Variants in SBF2 observed in about 807,000 individuals in gnomAD.
SBF2 encodes SET binding factor 2.
A neutral mutation model predicts 225.2 loss-of-function variants in SBF2; 112 were observed. That is an observed-to-expected ratio of 0.50 (90% confidence interval 0.43 to 0.58). SBF2 has a LOEUF of 0.58. SBF2 is among the 20% of genes least tolerant of loss of function. SBF2 has a pLI of 0.00. For synonymous variants in SBF2, 763 were observed against 773.3 expected (o/e 0.99, Z 0.22); for missense variants, 1,996 against 2,206.2 (o/e 0.90, Z 1.91).
chr11:9,899,095 T>C (rs562869122), intron 16 of SBF2, among the ~76,000 whole-genome samples: 2 of 151,602 alleles, frequency 1.3e-5, no homozygotes, highest in East Asian at 3.9e-4. Flanking sequence ...AACTGATGAA[T>C]ATAAGAGGTC....
intron 2 of SBF2, among the ~76,000 whole-genome samples, chr11:10,073,267 A>G (rs1476993649): frequency 2.6e-5 from 4 of 152,200 alleles, no homozygotes; most frequent in Admixed American, 2.6e-4. Context: ...TGTTTCCTAT[A>G]TCCCTTGTAA....
intron 2 of SBF2, among the ~76,000 whole-genome samples, chr11:10,097,372 C>A (rs923400158): frequency 6.6e-6 from 1 of 152,182 alleles, no homozygotes; most frequent in East Asian, 1.9e-4. Context: ...TATAAAAGCA[C>A]AAACGGGCTG....
At chr11:10,257,950 G>A (rs1368088311) in intron 1 of SBF2, among the ~76,000 whole-genome samples, 3 of 151,992 alleles carry the variant, frequency 2.0e-5, no homozygotes, top group African/African-American at 7.3e-5. Context: ...GAGCAAGACT[G>A]TCTCAAAAAA....
chr11:10,301,583 T>G (rs952022175), intron 1 of SBF2, among the ~76,000 whole-genome samples: 9 of 152,156 alleles, frequency 5.9e-5, no homozygotes, highest in African/African-American at 2.2e-4. Context: ...AGGAGGCATC[T>G]GAGATAATTA....
chr11:10,067,476 C>G (rs1461338006), intron 2 of SBF2, among the ~76,000 whole-genome samples: 1 of 151,958 alleles, frequency 6.6e-6, no homozygotes, highest in Non-Finnish European at 1.5e-5. Flanking sequence ...AACTCTGAAA[C>G]AGACTAAATT....
At position 10,004,574 on chromosome 11, in the gene SBF2, T is replaced by TAA. The variant is rs763688115; in HGVS notation, c.620-1887_620-1886dup. Among the ~76,000 whole-genome samples, 91 of 85,526 alleles carry TAA rather than the reference T, an allele frequency of 1.1e-3. 3 individuals are homozygous for TAA. The highest frequency in any genetic ancestry group is 8.9e-3 in the Middle Eastern group (1 of 112). The allele number at this position is 85,526 out of a possible 152,430, so 56.1% of individuals were successfully genotyped here. A position where few individuals can be genotyped will look rare whatever the true frequency, so the allele number is the denominator to read the frequency against. On this transcript the variant is annotated intron_variant, in intron 6 of 39. Transcript: ENST00000256190. ...TCCTAAGTAAGATAGCTACAAAAAT[T>TAA]AAAAAAAAAAAAAAAAAAAAACAAA... is the stretch of plus-strand genomic sequence containing the variant.
At chr11:9,942,585 T>C (rs1865319169) in intron 16 of SBF2, among the ~76,000 whole-genome samples, 2 of 152,204 alleles carry the variant, frequency 1.3e-5, no homozygotes, top group Non-Finnish European at 2.9e-5. Context: ...GCATGGGGGC[T>C]TGCCCTGGTA....
At chr11:9,987,494 G>A (rs973470332) in intron 13 of SBF2, among the ~76,000 whole-genome samples, 2 of 151,978 alleles carry the variant, frequency 1.3e-5, no homozygotes, top group Non-Finnish European at 2.9e-5. Flanking sequence ...GTTTGCTGAC[G>A]GTTATAATCA....
At chr11:10,204,435 T>C (rs1290350645) in intron 1 of SBF2, among the ~76,000 whole-genome samples, 1 of 151,816 alleles carries the variant, frequency 6.6e-6, no homozygotes, top group Non-Finnish European at 1.5e-5. Context: ...GGTCAAGAGA[T>C]CGAGACCATC....
At chr11:10,175,904 G>C in intron 2 of SBF2, among the ~76,000 whole-genome samples, 2 of 151,986 alleles carry the variant, frequency 1.3e-5, no homozygotes, top group East Asian at 3.9e-4. Context: ...ACCGGCTCCT[G>C]AATGACTACT....
intron 29 of SBF2, among the ~76,000 whole-genome samples, chr11:9,815,328 T>A: frequency 7.0e-6 from 1 of 141,920 alleles, no homozygotes; most frequent in Non-Finnish European, 1.5e-5. Flanking sequence ...TGGTGACGCG[T>A]GCCTGTAATC....
chr11:10,058,991 C>A (rs943347031), intron 2 of SBF2, among the ~76,000 whole-genome samples: 4 of 152,262 alleles, frequency 2.6e-5, no homozygotes, highest in Non-Finnish European at 5.9e-5. Context: ...ACCTGCCTTA[C>A]AAGAGATCTT....
Position 9,845,652 on chromosome 11 carries a change from G to C in SBF2, c.3023C>G (p.Ser1008Cys), listed in dbSNP as rs758462401. Residue 1008 changes from serine to cysteine, a missense_variant, in exon 24 of 40, where the codon TCC (serine) becomes TGC (cysteine). Coordinates refer to ENST00000256190, the MANE Select transcript of SBF2 (RefSeq NM_030962.4). ...KQLMKFRYPQSIFSTFAFAAG... is the reference protein window; with the variant it reads ...KQLMKFRYPQCIFSTFAFAAG... ...AGCAAAAGCAAAGGTACTGAAAATGGACTGAGGATAACGGAACTTCATCAG... is the reference window on the plus strand; with the variant it reads ...AGCAAAAGCAAAGGTACTGAAAATGCACTGAGGATAACGGAACTTCATCAG... 1.2e-6 allele frequency: 2 copies of C among 1,613,836 alleles called. No individual in the cohort carries two copies. Among genetic ancestry groups the C allele is most frequent in the South Asian group, 2.2e-5 (2 of 91,076 alleles).
chr11:9,781,426 C>T, intron 39 of SBF2, 81 bp downstream of exon 39: 1 of 1,584,562 alleles, frequency 6.3e-7, no homozygotes. Flanking sequence ...CCACCAATTA[C>T]TCTGAGGGCT....
chr11:10,071,756 T>G (rs571673840), intron 2 of SBF2, among the ~76,000 whole-genome samples: 2 of 152,334 alleles, frequency 1.3e-5, no homozygotes, highest in East Asian at 3.9e-4. Context: ...GAGATAATCA[T>G]GTGGTTTTTC....
intron 16 of SBF2, among the ~76,000 whole-genome samples, chr11:9,912,962 T>C (rs954125050): frequency 6.6e-6 from 1 of 152,096 alleles, no homozygotes; most frequent in Non-Finnish European, 1.5e-5. Context: ...TCAGAAAAAG[T>C]TGGGTAAAAA....
chr11:10,133,291 G>A (rs1202784828), intron 2 of SBF2, among the ~76,000 whole-genome samples: 2 of 149,560 alleles, frequency 1.3e-5, no homozygotes, highest in Admixed American at 6.8e-5. Context: ...TGCCAGTCCT[G>A]CGCCGTGTGC....
chr11:9,866,433 A>T (rs545796885), intron 17 of SBF2, among the ~76,000 whole-genome samples: 1 of 152,372 alleles, frequency 6.6e-6, no homozygotes, highest in Admixed American at 6.5e-5. Context: ...ATGTATGCAT[A>T]GCCAACTGAT....
chr11:10,220,251 T>C (rs891390514), intron 1 of SBF2, among the ~76,000 whole-genome samples: 2 of 152,074 alleles, frequency 1.3e-5, no homozygotes, highest in Non-Finnish European at 2.9e-5. Context: ...ATAAGACTTA[T>C]TCACTATCAC....
Sources: gnomAD v4.1 joint callset for allele counts (sites outside exome capture counted in the v4.1 genomes callset) on GRCh38, gnomAD v4.1.1 for gene constraint, MANE v1.5 for transcripts, NCBI Gene and HGNC (gene_info 2026-07-23, HGNC 2026-07-21) for gene names.